The following MAGI1 variants were observed in gnomAD, a reference collection of about 807,000 sequenced individuals.
The protein encoded by MAGI1 is membrane-associated guanylate kinase, WW and PDZ domain-containing protein 1.
Under a neutral mutation model 139.9 loss-of-function variants are expected in MAGI1, and 58 were observed. The ratio of observed to expected loss-of-function variants is 0.41; its 90% CI spans 0.34 to 0.52. The LOEUF is 0.52. Among genes scored for constraint, MAGI1 ranks in the 20% least tolerant of loss-of-function variants. The pLI is 0.12. For synonymous variants in MAGI1, 812 were observed against 737.9 expected (o/e 1.10, Z -1.63); for missense variants, 1,874 against 1,901.6 (o/e 0.99, Z 0.27).
intron 1 of MAGI1, among the ~76,000 whole-genome samples, chr3:65,625,413 T>C (rs1354673978): frequency 1.3e-5 from 2 of 152,084 alleles, no homozygotes; most frequent in Non-Finnish European, 2.9e-5. Context: ...AGAAAGTAAA[T>C]CTAGGTAGTT....
At chr3:65,526,863 G>A (rs1244945049) in intron 2 of MAGI1, among the ~76,000 whole-genome samples, 2 of 152,182 alleles carry the variant, frequency 1.3e-5, no homozygotes, top group Middle Eastern at 3.4e-3. Flanking sequence ...AGCTGTTAGC[G>A]CCCAGTTTTG....
intron 1 of MAGI1, among the ~76,000 whole-genome samples, chr3:65,826,023 A>G (rs1056037911): frequency 1.3e-5 from 2 of 152,070 alleles, no homozygotes; most frequent in Non-Finnish European, 2.9e-5. Flanking sequence ...AATTTTATAT[A>G]TATATATGCA....
intron 2 of MAGI1, among the ~76,000 whole-genome samples, chr3:65,528,085 AC>A (rs2078473709): frequency 6.6e-6 from 1 of 152,184 alleles, no homozygotes; most frequent in African/African-American, 2.4e-5. Flanking sequence ...TCATAAGTTA[AC>A]AAAAAATGGC....
Position 65,440,109 on chromosome 3 carries a change from A to G in MAGI1, c.1137-97T>C, listed in dbSNP as rs1352108530. The G allele has an allele frequency of 4.4e-6, 6 of 1,366,200 alleles. No individual in the cohort carries two copies. In the East Asian group the frequency reaches 1.4e-4, roughly 31 times the overall value. 84.6% of individuals were successfully genotyped at this position (1,366,200 alleles called of 1,614,324 possible). A position where few individuals can be genotyped will look rare whatever the true frequency, so the allele number is the denominator to read the frequency against. On this transcript the variant is annotated intron_variant, in intron 8 of 22. Transcript: ENST00000402939. The stretch of plus-strand genomic sequence containing the variant: ...TCCCTGGAATCAAACTGAGCAGAGC[A>G]GGTGGTCTGAGATGCTAACCCTCGT...
intron 1 of MAGI1, among the ~76,000 whole-genome samples, chr3:65,822,330 C>T (rs915897164): frequency 1.3e-5 from 2 of 152,124 alleles, no homozygotes; most frequent in East Asian, 3.9e-4. Flanking sequence ...AAGTTTGAGA[C>T]CAGCCTGGCC....
intron 10 of MAGI1, among the ~76,000 whole-genome samples, chr3:65,433,517 G>C (rs1483718702): frequency 6.6e-6 from 1 of 152,012 alleles, no homozygotes; most frequent in Non-Finnish European, 1.5e-5. Context: ...TGTAGCTTTT[G>C]GAAAGAAACG....
chr3:65,460,769 A>C (rs1949727517), intron 5 of MAGI1, among the ~76,000 whole-genome samples: 1 of 151,548 alleles, frequency 6.6e-6, no homozygotes, highest in African/African-American at 2.4e-5. Context: ...TCATTGTTCA[A>C]CTCCCACTTA....
chr3:65,771,751 ATT>A (rs1404687373), intron 1 of MAGI1, among the ~76,000 whole-genome samples: 15 of 152,242 alleles, frequency 9.9e-5, no homozygotes, highest in Non-Finnish European at 1.9e-4. Flanking sequence ...CCTCATCATT[ATT>A]TGACTCTCCT....
chr3:65,453,416 C>G (rs554522428), intron 5 of MAGI1, 76 bp from the exon 6 acceptor site: 7 of 1,044,316 alleles, frequency 6.7e-6, no homozygotes, highest in Non-Finnish European at 1.0e-5. Context: ...GACGGAATTA[C>G]ACACTCTTGA....
At chr3:66,026,379 T>A (rs2107575756) in intron 1 of MAGI1, among the ~76,000 whole-genome samples, 1 of 152,206 alleles carries the variant, frequency 6.6e-6, no homozygotes, top group Non-Finnish European at 1.5e-5. Context: ...CACGGAAAAG[T>A]CAGACATATG....
chr3:65,469,865 G>A (rs1043971435), intron 5 of MAGI1: 1 of 147,650 alleles, frequency 6.8e-6, no homozygotes, highest in Non-Finnish European at 1.5e-5. Context: ...GGACACTGTA[G>A]TTCAATTAAG....
At chr3:65,477,304 A>G (rs1005257226) in intron 4 of MAGI1, among the ~76,000 whole-genome samples, 3 of 152,212 alleles carry the variant, frequency 2.0e-5, no homozygotes, top group African/African-American at 7.2e-5. Context: ...ATTCATAAAT[A>G]ACAAACTTTT....
In MAGI1 at chr3:65,356,930, G is replaced by T; in HGVS notation, c.3837C>A (p.His1279Gln). Residue 1279 changes from histidine to glutamine, a missense_variant, in exon 23 of 23, where the codon CAC becomes CAA. His to Gln is a conservative substitution (Grantham distance 24). Transcript: ENST00000402939. Reference protein sequence around the residue: ...SREYSRQPNEHHTWNGTSRKP... With the variant: ...SREYSRQPNEQHTWNGTSRKP... ...TCCTCGAAGTCCCATTCCAGGTGTG[G>T]TGTTCATTGGGTTGTCTGCTATACT... The T allele has an allele frequency of 1.2e-6, 2 of 1,614,170 alleles. No individual in the cohort carries two copies. Among genetic ancestry groups the T allele is most frequent in the Non-Finnish European group, 1.7e-6 (2 of 1,180,014 alleles).
chr3:65,437,126 T>C (rs1470200378), intron 10 of MAGI1, 29 bp downstream of exon 10: 6 of 1,477,760 alleles, frequency 4.1e-6, no homozygotes, highest in African/African-American at 2.8e-5. Context: ...GCTAAAACCA[T>C]GACACAATTA....
At chr3:66,026,147 T>G (rs1249730291) in intron 1 of MAGI1, among the ~76,000 whole-genome samples, 1 of 152,066 alleles carries the variant, frequency 6.6e-6, no homozygotes, top group Non-Finnish European at 1.5e-5. Context: ...CCCTATCAGA[T>G]GTAAATTCTA....
At chr3:65,384,780 GGTGTGTGTGTGT>G (rs3072935) in intron 14 of MAGI1, among the ~76,000 whole-genome samples, 1 of 147,822 alleles carries the variant, frequency 6.8e-6, no homozygotes, top group African/African-American at 2.5e-5. Context: ...TATAGGAAGG[GGTGTGTGTGTGT>G]GTGTGTGTGT....
intron 3 of MAGI1, among the ~76,000 whole-genome samples, chr3:65,482,016 G>A (rs1951323779): frequency 6.6e-6 from 1 of 152,184 alleles, no homozygotes; most frequent in Non-Finnish European, 1.5e-5. Context: ...ATATGAAATT[G>A]CTGTTGTAGA....
intron 1 of MAGI1, among the ~76,000 whole-genome samples, chr3:65,995,848 G>T (rs2066417919): frequency 6.6e-6 from 1 of 152,122 alleles, no homozygotes; most frequent in South Asian, 2.1e-4. Flanking sequence ...CAATTAAAAA[G>T]CTAGCTGCGT....
intron 8 of MAGI1, 88 bp downstream of exon 8, chr3:65,442,703 CT>C: frequency 2.3e-6 from 2 of 871,026 alleles, no homozygotes; most frequent in Admixed American, 2.1e-5. Context: ...TGGTTTGTGC[CT>C]TATAATGATG....
Sources: allele counts gnomAD v4.1 joint callset (sites outside exome capture counted in the v4.1 genomes callset), GRCh38; gene constraint gnomAD v4.1.1; transcripts MANE v1.5; gene names NCBI Gene and HGNC (gene_info 2026-07-23, HGNC 2026-07-21).